The following INSL5 variants were observed in gnomAD, a reference collection of about 807,000 sequenced individuals.
INSL5 encodes insulin-like peptide INSL5.
A neutral mutation model predicts 4.3 loss-of-function variants in INSL5; 3 were observed. The observed-to-expected ratio is 0.70, with a 90% CI of 0.32 to 1.82. The LOEUF (loss-of-function observed/expected upper bound fraction) is 1.82. Among genes scored for constraint, INSL5 ranks in the 40% most tolerant of loss-of-function variants. The pLI, the probability that INSL5 is intolerant of heterozygous loss-of-function variation, is 0.08. For synonymous variants in INSL5, 68 were observed against 56.6 expected (o/e 1.20, Z -0.90); for missense variants, 168 against 160.9 (o/e 1.04, Z -0.24).
chr1:66,798,181 T>G lies in INSL5; in HGVS notation c.240A>C (p.Gln80His). 1 of 1,614,166 alleles carries G rather than the reference T, an allele frequency of 6.2e-7. No homozygotes were observed. The highest frequency in any genetic ancestry group is 8.5e-7 in the Non-Finnish European group (1 of 1,180,028). ...KREFSEENPAQNLPKVDASGE... is the reference protein window; with the variant it reads ...KREFSEENPAHNLPKVDASGE... ...CTGAGGCATCCACCTTCGGAAGGTT[T>G]TGCGCTGGATTTTCCTCAGAAAACT... is the stretch of plus-strand genomic sequence containing the variant. The change falls in exon 2 of 2, where the codon CAA (glutamine) becomes CAC (histidine). Residue 80 changes from glutamine to histidine, a missense_variant. By Grantham distance (24) the Gln-to-His change is conservative. Transcript: ENST00000304526.
chr1:66,800,869 C>T (rs1645371369), intron 1 of INSL5, among the ~76,000 whole-genome samples, 178 bp downstream of exon 1: 1 of 152,178 alleles, frequency 6.6e-6, no homozygotes, highest in Non-Finnish European at 1.5e-5. Context: ...GTAGCATGCT[C>T]ATCACTTTCC....
At position 66,797,936 on chromosome 1, in the gene INSL5, G is replaced by A. The variant is rs1645352775; in HGVS notation, c.*77C>T. The A allele has an allele frequency of 1.0e-6, 1 of 1,003,322 alleles. No homozygotes were observed. The highest frequency in any genetic ancestry group is 1.5e-6 in the Non-Finnish European group (1 of 654,064). The allele number at this position is 1,003,322 out of a possible 1,614,324, so 62.2% of individuals were successfully genotyped here. On this transcript the variant is annotated 3_prime_UTR_variant, in exon 2 of 2. Transcript: ENST00000304526. ...CCATCATTTTAATAACACAATATTA[G>A]TGTTCTACCAGGCAGTAAAACACTG...
intron 1 of INSL5, 51 bp downstream of exon 1, chr1:66,800,996 T>C (rs1645372222): frequency 7.4e-7 from 1 of 1,352,618 alleles, no homozygotes. Context: ...CTTGAAAAAA[T>C]AAAAGAGACA....
At chr1:66,800,270 C>T (rs926063823) in intron 1 of INSL5, among the ~76,000 whole-genome samples, 3 of 152,058 alleles carry the variant, frequency 2.0e-5, no homozygotes, top group Non-Finnish European at 4.4e-5. Context: ...CTAGAATTCC[C>T]ACCCTGCTTC....
At position 66,801,112 on chromosome 1, in the gene INSL5, A is replaced by G. The variant is rs1220233937; in HGVS notation, c.110T>C (p.Val37Ala). Residue 37 changes from valine (V) to alanine (A), a missense_variant, in exon 1 of 2, where the codon GTC becomes GCC. Coordinates refer to ENST00000304526, the MANE Select transcript of INSL5 (RefSeq NM_005478.6). ...RLCGLEYIRT[V>A]IYICASSRWR... The stretch of plus-strand genomic sequence containing the variant: ...CCTGGAGCTAGCACAGATATAGATG[A>G]CTGTCCGTATGTATTCTAGCCCACA... 6.2e-7 allele frequency: 1 copy of G among 1,613,622 alleles called. No individual in the cohort carries two copies. The highest frequency in any genetic ancestry group is 8.5e-7 in the Non-Finnish European group (1 of 1,179,662).
At chr1:66,799,361 A>G (rs184195050) in intron 1 of INSL5, among the ~76,000 whole-genome samples, 116 of 152,318 alleles carry the variant, frequency 7.6e-4, no homozygotes, top group African/African-American at 2.8e-3. Flanking sequence ...AGAAAGACAA[A>G]CACCACATGA....
rs1645352126 is a variant in INSL5, at chr1:66,797,822, T to C, written c.*191A>G. ...GTAGAATTTGAAAAGAACAGTTCAT[T>C]AACCTTGGCAAAGGGAGAAAATAGA... On this transcript the variant is annotated 3_prime_UTR_variant, in exon 2 of 2. Transcript: ENST00000304526. The C allele has an allele frequency of 3.6e-6, 2 of 550,090 alleles. No homozygotes were observed. Among genetic ancestry groups the C allele is most frequent in the African/African-American group, 1.9e-5 (1 of 53,038 alleles). The allele number at this position is 550,090 out of a possible 1,614,324, so 34.1% of individuals were successfully genotyped here.
rs1244011851 is a variant in INSL5 at position 66,801,216 on chromosome 1, C to G, written c.6G>C (p.Lys2Asn). 6.2e-7 allele frequency: 1 copy of G among 1,611,122 alleles called. No homozygotes were observed. Among genetic ancestry groups the G allele is most frequent in the Non-Finnish European group, 8.5e-7 (1 of 1,178,252 alleles). ...ATAAAAACAGAGTGAAAATGGAGCC[C>G]TTCATTTTGCTGAGGACTGAATGTG... M[K>N]GSIFTLFLFS... The change falls in exon 1 of 2, where the codon AAG (lysine) becomes AAC (asparagine). Residue 2 changes from lysine (K) to asparagine (N), a missense_variant. Transcript: ENST00000304526.
chr1:66,799,662 T>C (rs1645362230), intron 1 of INSL5, among the ~76,000 whole-genome samples: 1 of 152,192 alleles, frequency 6.6e-6, no homozygotes, highest in South Asian at 2.1e-4. Context: ...ATTTAGCTAT[T>C]CCACATGTAT....
At chr1:66,798,367 T>C in intron 1 of INSL5, 122 bp from the exon 2 acceptor site, 1 of 687,224 alleles carries the variant, frequency 1.5e-6, no homozygotes, top group Non-Finnish European at 2.4e-6. Flanking sequence ...ATACACATAA[T>C]TTTTTAAAAT....
At chr1:66,799,887 A>T (rs1034274352) in intron 1 of INSL5, among the ~76,000 whole-genome samples, 34 of 151,992 alleles carry the variant, frequency 2.2e-4, no homozygotes, top group African/African-American at 8.0e-4. Context: ...CACCTCTACA[A>T]AATATTTAAA....
chr1:66,799,366 A>G (rs1645360083), intron 1 of INSL5, among the ~76,000 whole-genome samples: 1 of 152,168 alleles, frequency 6.6e-6, no homozygotes, highest in Non-Finnish European at 1.5e-5. Flanking sequence ...GACAAACACC[A>G]CATGATCTCA....
chr1:66,798,702 G>A (rs1645357285), intron 1 of INSL5, among the ~76,000 whole-genome samples: 1 of 152,176 alleles, frequency 6.6e-6, no homozygotes, highest in Admixed American at 6.5e-5. Context: ...TTTTGCCTAA[G>A]TGTTGTTTCC....
chr1:66,799,273 C>T lies in INSL5; in HGVS notation c.176-1028G>A, dbSNP rs7339905. ...AGTCGCAACATTTATTATGTAATCA[C>T]ATTTTTCCTTTTTAACTTTTTAGTA... On this transcript the variant is annotated intron_variant, in intron 1 of 1. Transcript: ENST00000304526. Among the ~76,000 whole-genome samples, 142 of 152,310 alleles carry T rather than the reference C, an allele frequency of 9.3e-4. 1 individual carries two copies. The highest frequency in any genetic ancestry group is 2.8e-3 in the African/African-American group (118 of 41,576).
intron 1 of INSL5, among the ~76,000 whole-genome samples, chr1:66,800,451 T>G (rs1346676240): frequency 6.6e-6 from 1 of 152,132 alleles, no homozygotes; most frequent in Non-Finnish European, 1.5e-5. Context: ...CCTTGGCTCT[T>G]GAAGCCAGAT....
intron 1 of INSL5, among the ~76,000 whole-genome samples, 189 bp from the exon 2 acceptor site, chr1:66,798,434 G>A (rs1438383704): frequency 5.9e-5 from 9 of 152,138 alleles, no homozygotes; most frequent in Non-Finnish European, 1.3e-4. Flanking sequence ...CATCTCCACT[G>A]TCCTCATTTT....
chr1:66,798,378 G>C (rs1325206944), intron 1 of INSL5, 133 bp from the exon 2 acceptor site: 1 of 658,664 alleles, frequency 1.5e-6, no homozygotes, highest in African/African-American at 1.8e-5. Flanking sequence ...TTTTTAAAAT[G>C]TTGGCCTGGT....
intron 1 of INSL5, among the ~76,000 whole-genome samples, chr1:66,799,252 G>T (rs975790040): frequency 6.6e-6 from 1 of 152,028 alleles, no homozygotes; most frequent in East Asian, 1.9e-4. Context: ...ACATATAGTC[G>T]CAACATTTAT....
At position 66,798,241 on chromosome 1, in the gene INSL5, C is replaced by T. The variant is rs1645355119; in HGVS notation, c.180G>A (p.Glu60=). The T allele has an allele frequency of 6.2e-7, 1 of 1,612,906 alleles. No individual in the cohort carries two copies. The highest frequency in any genetic ancestry group is 1.1e-5 in the South Asian group (1 of 91,046). Residue 60 remains glutamate, a synonymous_variant, in exon 2 of 2, where the codon GAG becomes GAA. Transcript: ENST00000304526. ...QEGIPQAQQA[E]TGNSFQLPHK... Reference sequence around the variant, plus strand: ...GTGGGAGCTGGAAGGAGTTTCCTGTCTCAGCTGTATGGAAGAGAAAAAAAT... The same window carrying T: ...GTGGGAGCTGGAAGGAGTTTCCTGTTTCAGCTGTATGGAAGAGAAAAAAAT...
Sources: gnomAD v4.1 joint callset for allele counts (sites outside exome capture counted in the v4.1 genomes callset) on GRCh38, gnomAD v4.1.1 for gene constraint, MANE v1.5 for transcripts, NCBI Gene and HGNC (gene_info 2026-07-23, HGNC 2026-07-21) for gene names.